The following ITGA9 variants were observed in gnomAD, a reference collection of about 807,000 sequenced individuals.
ITGA9 encodes integrin subunit alpha 9.
Under a neutral mutation model 127.8 loss-of-function variants are expected in ITGA9, and 56 were observed. That is an observed-to-expected ratio of 0.44 (90% CI 0.35 to 0.55). ITGA9 has a LOEUF of 0.55. Among genes scored for constraint, ITGA9 ranks in the 20% least tolerant of loss-of-function variants. The pLI is 0.00. For missense variants in ITGA9, 1,196 were observed against 1,347.1 expected, an observed-to-expected ratio of 0.89 and a Z score of 1.76; for synonymous variants, 508 against 514.5, an observed-to-expected ratio of 0.99 and a Z score of 0.17.
chr3:37,464,297 A>G (rs1221125777), intron 1 of ITGA9, among the ~76,000 whole-genome samples: 1 of 147,492 alleles, frequency 6.8e-6, no homozygotes, highest in Admixed American at 6.8e-5. Context: ...TTTTTTAAAC[A>G]TAAGTGACTC....
chr3:37,585,876 G>T (rs1324387519), intron 15 of ITGA9, among the ~76,000 whole-genome samples: 8 of 152,196 alleles, frequency 5.3e-5, no homozygotes, highest in East Asian at 1.9e-4. Flanking sequence ...ATGGTATTTT[G>T]TTAAAAATTG....
intron 6 of ITGA9, among the ~76,000 whole-genome samples, chr3:37,505,415 G>A (rs1579070804): frequency 1.3e-5 from 2 of 152,268 alleles, no homozygotes; most frequent in South Asian, 2.1e-4. Flanking sequence ...TTATATAACG[G>A]ATATTACTCA....
At chr3:37,601,129 G>A (rs951293406) in intron 15 of ITGA9, among the ~76,000 whole-genome samples, 2 of 152,164 alleles carry the variant, frequency 1.3e-5, no homozygotes, top group African/African-American at 2.4e-5. Flanking sequence ...GCGACTTTGT[G>A]AGATTCTAGA....
intron 1 of ITGA9, among the ~76,000 whole-genome samples, chr3:37,454,570 A>G (rs1698236323): frequency 6.6e-6 from 1 of 152,178 alleles, no homozygotes; most frequent in African/African-American, 2.4e-5. Context: ...TGAGCTCAAA[A>G]GTGCCCTCTC....
At chr3:37,808,502 G>A (rs373075804) in intron 27 of ITGA9, 9 of 152,334 alleles carry the variant, frequency 5.9e-5, no homozygotes, top group East Asian at 1.9e-4. Flanking sequence ...GGATTTCATC[G>A]TTGTTAGTGC....
chr3:37,517,247 T>C, intron 9 of ITGA9, among the ~76,000 whole-genome samples: 1 of 152,138 alleles, frequency 6.6e-6, no homozygotes, highest in Non-Finnish European at 1.5e-5. Flanking sequence ...AGTGTAGTCA[T>C]TGGCTACCAT....
chr3:37,698,648 A>G (rs1010129723), intron 18 of ITGA9, among the ~76,000 whole-genome samples: 3 of 152,190 alleles, frequency 2.0e-5, no homozygotes, highest in Non-Finnish European at 4.4e-5. Context: ...GAACATTTTT[A>G]TACCAGTTTT....
In ITGA9 at chr3:37,613,905, T is replaced by C. The variant is rs554590593; in HGVS notation, c.1690-15282T>C. Reference sequence around the variant, plus strand: ...GTAGATTGCAAAAATTTTCTCCCATTCTGTAGGTTGCCTGTTCACTCTGAT... The same window carrying C: ...GTAGATTGCAAAAATTTTCTCCCATCCTGTAGGTTGCCTGTTCACTCTGAT... On this transcript the variant is annotated intron_variant, in intron 15 of 27. Coordinates refer to ENST00000264741, the MANE Select transcript of ITGA9 (RefSeq NM_002207.3). Among the ~76,000 whole-genome samples the C allele has an allele frequency of 1.9e-3, 292 of 152,308 alleles. 2 individuals carry two copies. The highest frequency in any genetic ancestry group is 6.8e-3 in the African/African-American group (281 of 41,570).
rs529014209 is a variant in ITGA9 at position 37,684,071 on chromosome 3, C to G, written c.2067+56C>G. Reference sequence around the variant, plus strand: ...TTGTTCCATCTGGTGCGCTTGCTGACTTTCATTATTGCCTGGAATAGGCAA... The same window carrying G: ...TTGTTCCATCTGGTGCGCTTGCTGAGTTTCATTATTGCCTGGAATAGGCAA... On this transcript the variant is annotated intron_variant, in intron 18 of 27. Transcript: ENST00000264741. 5.0e-5 allele frequency: 71 copies of G among 1,431,986 alleles called. No individual in the cohort carries two copies. In the South Asian group the frequency reaches 7.3e-4, roughly 15 times the overall value. 88.7% of individuals were successfully genotyped at this position (1,431,986 alleles called of 1,614,324 possible).
chr3:37,693,725 T>A (rs998283866), intron 18 of ITGA9, among the ~76,000 whole-genome samples: 1 of 152,206 alleles, frequency 6.6e-6, no homozygotes, highest in South Asian at 2.1e-4. Context: ...CAAAGCAAAT[T>A]GTGTTACAGC....
intron 23 of ITGA9, among the ~76,000 whole-genome samples, chr3:37,759,995 G>A (rs2125542421): frequency 6.6e-6 from 1 of 152,094 alleles, no homozygotes; most frequent in Middle Eastern, 3.4e-3. Flanking sequence ...GGGAGGCTGA[G>A]GCGGGTGTGA....
At chr3:37,775,487 C>CA (rs984054913) in intron 23 of ITGA9, among the ~76,000 whole-genome samples, 22 of 150,690 alleles carry the variant, frequency 1.5e-4, no homozygotes, top group Middle Eastern at 3.4e-3. Flanking sequence ...ACTAAAAATA[C>CA]AAAAAAAAAT....
intron 17 of ITGA9, among the ~76,000 whole-genome samples, chr3:37,658,996 A>G (rs1700507015): frequency 1.3e-5 from 2 of 152,194 alleles, no homozygotes; most frequent in African/African-American, 4.8e-5. Flanking sequence ...AGAATGTTGA[A>G]TATTGGCCCC....
chr3:37,702,167 C>T (rs1236627130), intron 18 of ITGA9, among the ~76,000 whole-genome samples: 6 of 152,098 alleles, frequency 3.9e-5, no homozygotes, highest in Non-Finnish European at 5.9e-5. Flanking sequence ...GTGATAGTCA[C>T]GGTAATTACA....
At chr3:37,534,318 C>G (rs1699187616) in intron 14 of ITGA9, among the ~76,000 whole-genome samples, 1 of 152,240 alleles carries the variant, frequency 6.6e-6, no homozygotes, top group Non-Finnish European at 1.5e-5. Context: ...ACTCCTTTTG[C>G]TACTCACAGT....
Position 37,736,842 on chromosome 3 carries a change from G to A in ITGA9, c.2155-62G>A, listed in dbSNP as rs1553663822. 1.1e-4 allele frequency: 115 copies of A among 1,059,318 alleles called. 2 individuals are homozygous for A. In the South Asian group the frequency reaches 1.4e-3, roughly 13 times the overall value. 65.6% of individuals were successfully genotyped at this position (1,059,318 alleles called of 1,614,324 possible). On this transcript the variant is annotated intron_variant, in intron 19 of 27. Coordinates refer to ENST00000264741, the MANE Select transcript of ITGA9 (RefSeq NM_002207.3). ...CAGAGGTCATAAACTGCAGAAGATG[G>A]AAGAGAACAGTTTAAGTTTGGAATG...
At chr3:37,612,973 T>C (rs981925682) in intron 15 of ITGA9, among the ~76,000 whole-genome samples, 3 of 151,914 alleles carry the variant, frequency 2.0e-5, no homozygotes, top group Non-Finnish European at 4.4e-5. Context: ...TTTTTTTTTT[T>C]TAATTATACT....
chr3:37,489,954 C>T (rs1698651441), intron 4 of ITGA9, among the ~76,000 whole-genome samples: 1 of 152,210 alleles, frequency 6.6e-6, no homozygotes, highest in African/African-American at 2.4e-5. Context: ...ATTCCTGTTG[C>T]AGGTAGCCCC....
chr3:37,818,751 T>C, intron 27 of ITGA9, 140 bp from the exon 28 acceptor site: 1 of 694,184 alleles, frequency 1.4e-6, no homozygotes, highest in South Asian at 1.6e-5. Flanking sequence ...GCCAGTGTTT[T>C]CTCTAATCCG....
Sources: allele counts gnomAD v4.1 joint callset (sites outside exome capture counted in the v4.1 genomes callset), GRCh38; gene constraint gnomAD v4.1.1; transcripts MANE v1.5; gene names NCBI Gene and HGNC (gene_info 2026-07-23, HGNC 2026-07-21).